YJU2B: variants seen among roughly 807,000 people sequenced by gnomAD.
YJU2B encodes the protein probable splicing factor YJU2B.
In YJU2B, 18 loss-of-function variants were observed where a neutral mutation model predicts 38.0. The ratio of observed to expected loss-of-function variants is 0.47; its 90% CI spans 0.33 to 0.70. The LOEUF (loss-of-function observed/expected upper bound fraction) is 0.70. Ranked by LOEUF, YJU2B falls within the 30% of genes least tolerant of loss-of-function variation. The probability of loss-of-function intolerance (pLI) is 0.02; values close to 1 mark genes in which losing one functional copy is unlikely to be tolerated. For missense variants in YJU2B, 538 were observed against 556.3 expected (o/e 0.97, Z 0.33); for synonymous variants, 246 against 225.4 (o/e 1.09, Z -0.82).
chr19:13,759,879 C>T (rs976317502), intron 8 of YJU2B, among the ~76,000 whole-genome samples: 2 of 151,322 alleles, frequency 1.3e-5, no homozygotes, highest in Admixed American at 6.6e-5. Context: ...GTCACCGCAA[C>T]TTCTGCCTCC....
At chr19:13,760,476 C>A (rs1241955333) in intron 8 of YJU2B, among the ~76,000 whole-genome samples, 3 of 152,168 alleles carry the variant, frequency 2.0e-5, no homozygotes, top group Non-Finnish European at 2.9e-5. Flanking sequence ...TTAACACTGT[C>A]AACGTTGAGG....
Position 13,763,115 on chromosome 19 carries a change from A to G in YJU2B, c.*47A>G. ...GGACCCGCTCTAGAGGCCCGGACACACCCAGGAGGCCCCTCACAGACTGCA... is the reference window on the plus strand; with the variant it reads ...GGACCCGCTCTAGAGGCCCGGACACGCCCAGGAGGCCCCTCACAGACTGCA... On this transcript the variant is annotated 3_prime_UTR_variant, in exon 10 of 10. Coordinates refer to ENST00000221554, the MANE Select transcript of YJU2B (RefSeq NM_030818.4). 6 of 1,461,702 alleles carry G rather than the reference A, an allele frequency of 4.1e-6. No homozygotes were observed. The highest frequency in any genetic ancestry group is 2.3e-5 in the East Asian group (1 of 43,302). The allele number at this position is 1,461,702 out of a possible 1,614,324, so 90.5% of individuals were successfully genotyped here.
chr19:13,761,910 G>A (rs918423137), intron 8 of YJU2B, among the ~76,000 whole-genome samples: 8 of 151,990 alleles, frequency 5.3e-5, no homozygotes, highest in African/African-American at 1.9e-4. Context: ...TTTTAATAGA[G>A]ACAGGATTTT....
At position 13,762,636 on chromosome 19, in the gene YJU2B, C is replaced by T. The variant is rs1470916748; in HGVS notation, c.759C>T (p.Arg253=). The T allele has an allele frequency of 2.6e-6, 4 of 1,541,118 alleles. No homozygotes were observed. Among genetic ancestry groups the T allele is most frequent in the Middle Eastern group, 3.5e-4 (2 of 5,754 alleles). ...QKLKRTEIIS[R]SWFPSAPGSA... ...TCAAGCGGACCGAGATCATCAGCCGCTCCTGGTTCCCCTCTGCCCCCGGAT... is the reference window on the plus strand; with the variant it reads ...TCAAGCGGACCGAGATCATCAGCCGTTCCTGGTTCCCCTCTGCCCCCGGAT... The change falls in exon 10 of 10, where the codon CGC becomes CGT. Residue 253 remains arginine (R), a synonymous_variant. Transcript: ENST00000221554.
At chr19:13,745,649 A>AGATG (rs2145106826), upstream of YJU2B, among the ~76,000 whole-genome samples, 1 of 89,088 alleles carries the variant, frequency 1.1e-5, no homozygotes, top group South Asian at 4.2e-4. Context: ...AAAACTCCAT[A>AGATG]GATAGATAGA....
At chr19:13,744,851 G>A (rs1013617088), upstream of YJU2B, among the ~76,000 whole-genome samples, 2 of 152,104 alleles carry the variant, frequency 1.3e-5, no homozygotes, top group Non-Finnish European at 2.9e-5. Context: ...AAATTAGCCG[G>A]GTGTTGTGGC....
chr19:13,735,969 A>G (rs1433822051), intron 2 of YJU2B, among the ~76,000 whole-genome samples: 15 of 150,590 alleles, frequency 1.0e-4, no homozygotes, highest in Admixed American at 2.7e-4. Flanking sequence ...GGAGAATGGC[A>G]TGAACCTGGG....
intron 2 of YJU2B, among the ~76,000 whole-genome samples, chr19:13,735,820 A>G (rs535279229): frequency 6.6e-6 from 1 of 152,128 alleles, no homozygotes; most frequent in Non-Finnish European, 1.5e-5. Context: ...TGGGAAGCCA[A>G]GGCGGGCGGA....
rs377239448 is a variant in YJU2B at position 13,762,387 on chromosome 19, C to T, written c.662C>T (p.Thr221Met). 10 of 1,613,690 alleles carry T rather than the reference C, an allele frequency of 6.2e-6. No homozygotes were observed. The highest frequency in any genetic ancestry group is 5.3e-5 in the African/African-American group (4 of 74,886). ...ASLTIPLVPE[T>M]EDDRKLAALL... Reference sequence around the variant, plus strand: ...CTGACCATCCCGCTGGTGCCCGAGACGGAAGATGACCGCAAGCTGGCGGCT... The same window carrying T: ...CTGACCATCCCGCTGGTGCCCGAGATGGAAGATGACCGCAAGCTGGCGGCT... The change falls in exon 9 of 10, where the codon ACG becomes ATG. Residue 221 changes from threonine (T) to methionine (M), a missense_variant. Thr to Met is a moderately conservative substitution (Grantham distance 81). Coordinates refer to ENST00000221554, the MANE Select transcript of YJU2B (RefSeq NM_030818.4).
At chr19:13,732,085 G>A (rs1452737737) in intron 1 of YJU2B, 1 of 152,308 alleles carries the variant, frequency 6.6e-6, no homozygotes, top group East Asian at 1.9e-4. Context: ...TTTGTGGTGA[G>A]CGCTGGGTAG....
chr19:13,749,942 A>C (rs1973393363), intron 1 of YJU2B, among the ~76,000 whole-genome samples: 1 of 152,010 alleles, frequency 6.6e-6, no homozygotes, highest in South Asian at 2.1e-4. Flanking sequence ...ATGACCTAAA[A>C]GCCTCCCTTC....
intron 8 of YJU2B, 104 bp downstream of exon 8, chr19:13,759,376 C>T (rs1568297051): frequency 1.1e-6 from 1 of 883,560 alleles, no homozygotes; most frequent in African/African-American, 1.7e-5. Context: ...GCCACTGTAC[C>T]CTCTGAGCCT....
rs554628190 is a variant in YJU2B at position 13,753,778 on chromosome 19, GTC to G, written c.4-506_4-505del. On this transcript the variant is annotated intron_variant, in intron 2 of 9. Transcript: ENST00000221554. ...GAAAAGCTCCTTGTAAAACCATGAG[GTC>G]TCTCGAGAACTCATTCGCTGTCATG... 8.5e-5 allele frequency among the ~76,000 whole-genome samples: 13 copies of G among 152,166 alleles called. No homozygotes were observed. The East Asian group carries it at 2.5e-3, about 29-fold the overall frequency.
intron 6 of YJU2B, 82 bp downstream of exon 6, chr19:13,757,928 G>C: frequency 2.4e-6 from 3 of 1,243,756 alleles, no homozygotes; most frequent in Non-Finnish European, 3.5e-6. Context: ...AGTTGCGGGG[G>C]GAACCCATTC....
Position 13,751,769 on chromosome 19 carries a change from C to A in YJU2B, c.-40C>A. 6.2e-7 allele frequency: 1 copy of A among 1,613,228 alleles called. No homozygotes were observed. Among genetic ancestry groups the A allele is most frequent in the Non-Finnish European group, 8.5e-7 (1 of 1,179,170 alleles). ...TGTGTTCACAAGGCCAGTTTCTGAT[C>A]GTCCGCCCCGAGGCTGAGGACCAGT... On this transcript the variant is annotated 5_prime_UTR_variant, in exon 2 of 10. Transcript: ENST00000221554.
rs1220019474 is a variant in YJU2B at position 13,762,752 on chromosome 19, A to AC, written c.877dup (p.Leu293ProfsTer50). ...GCCACCTCCCCCATCACCGTCGGGG[A>AC]CCTGGGCATCGTGCGGCGGAGGTCT... On this transcript the variant is annotated frameshift_variant, in exon 10 of 10. Transcript: ENST00000221554. LOFTEE classifies it low-confidence loss of function (END_TRUNC). 5.0e-6 allele frequency: 8 copies of AC among 1,608,514 alleles called. No individual in the cohort carries two copies. The Admixed American group carries it at 8.4e-5, about 17-fold the overall frequency.
intron 1 of YJU2B, among the ~76,000 whole-genome samples, chr19:13,751,097 A>G (rs1486129784): frequency 6.6e-6 from 1 of 152,098 alleles, no homozygotes; most frequent in Non-Finnish European, 1.5e-5. Context: ...GAGGGGTTTA[A>G]GCAGGAGAGT....
At chr19:13,757,394 G>C in intron 4 of YJU2B, 24 bp from the exon 5 acceptor site, 1 of 1,611,136 alleles carries the variant, frequency 6.2e-7, no homozygotes, top group Non-Finnish European at 8.5e-7. Flanking sequence ...ACAAGTGCAA[G>C]TAAGATGCTG....
chr19:13,745,717 C>CTATA (rs1212314804), upstream of YJU2B, among the ~76,000 whole-genome samples: 6 of 110,630 alleles, frequency 5.4e-5, no homozygotes, highest in African/African-American at 2.3e-4. Context: ...ATCTATAGAT[C>CTATA]TATAGATATC....
Sources: gnomAD v4.1 joint callset for allele counts (sites outside exome capture counted in the v4.1 genomes callset) on GRCh38, gnomAD v4.1.1 for gene constraint, MANE v1.5 for transcripts, NCBI Gene and HGNC (gene_info 2026-07-23, HGNC 2026-07-21) for gene names.